Variants in CTNNA3 observed in about 807,000 individuals in gnomAD.
CTNNA3 encodes catenin alpha 3.
A neutral mutation model predicts 95.7 loss-of-function variants in CTNNA3; 76 were observed. That is an observed-to-expected ratio of 0.79 (90% CI 0.66 to 0.96). The LOEUF (loss-of-function observed/expected upper bound fraction) is 0.96, where lower values mean the gene tolerates loss of function less well. Among genes scored for constraint, CTNNA3 ranks in the 40% least tolerant of loss-of-function variants. The pLI is 0.00. For synonymous variants in CTNNA3, 431 were observed against 374.4 expected, an observed-to-expected ratio of 1.15 and a Z score of -1.74; for missense variants, 1,191 against 1,089.8, an observed-to-expected ratio of 1.09 and a Z score of -1.31.
At chr10:67,117,928 AAACGGGT>A (rs1859268358) in intron 7 of CTNNA3, among the ~76,000 whole-genome samples, 1 of 152,026 alleles carries the variant, frequency 6.6e-6, no homozygotes, top group African/African-American at 2.4e-5. Flanking sequence ...TATAGCAATC[AAACGGGT>A]AAATGACTGC....
At chr10:66,555,446 G>A (rs1842360858) in intron 10 of CTNNA3, among the ~76,000 whole-genome samples, 1 of 151,856 alleles carries the variant, frequency 6.6e-6, no homozygotes, top group Non-Finnish European at 1.5e-5. Flanking sequence ...GCAATATTTG[G>A]GACATACTTA....
chr10:67,444,136 T>C (rs1275111226), intron 5 of CTNNA3, among the ~76,000 whole-genome samples: 1 of 152,142 alleles, frequency 6.6e-6, no homozygotes, highest in Non-Finnish European at 1.5e-5. Flanking sequence ...GGACAGATCA[T>C]ATGTTAGGTC....
intron 5 of CTNNA3, among the ~76,000 whole-genome samples, chr10:67,384,263 A>T (rs1394063239): frequency 2.0e-5 from 3 of 152,176 alleles, no homozygotes; most frequent in African/African-American, 7.2e-5. Flanking sequence ...CTTTCTAGCA[A>T]CCTACCTGAA....
chr10:66,197,259 G>A (rs1486683823), intron 13 of CTNNA3, among the ~76,000 whole-genome samples: 1 of 152,006 alleles, frequency 6.6e-6, no homozygotes, highest in Non-Finnish European at 1.5e-5. Context: ...CTGTTTATGA[G>A]TTATACTCAA....
chr10:67,615,380 C>T (rs1843616494), intron 2 of CTNNA3, among the ~76,000 whole-genome samples: 1 of 152,166 alleles, frequency 6.6e-6, no homozygotes, highest in South Asian at 2.1e-4. Flanking sequence ...TATCCTAATC[C>T]AAGAAGTGCA....
At chr10:66,732,761 A>T (rs1849001415) in intron 9 of CTNNA3, among the ~76,000 whole-genome samples, 1 of 151,616 alleles carries the variant, frequency 6.6e-6, no homozygotes, top group Admixed American at 6.6e-5. Flanking sequence ...GGGTGGGGAC[A>T]CAGCCAAACA....
intron 7 of CTNNA3, among the ~76,000 whole-genome samples, chr10:66,942,390 A>G (rs750979081): frequency 6.6e-6 from 1 of 152,206 alleles, no homozygotes; most frequent in African/African-American, 2.4e-5. Context: ...TCTATTAAGT[A>G]TTCTTCTGTA....
chr10:66,429,365 C>T lies in CTNNA3; in HGVS notation c.1532-50013G>A, dbSNP rs1458084278. Among the ~76,000 whole-genome samples the T allele has an allele frequency of 2.6e-5, 4 of 152,110 alleles. No homozygotes were observed. In the East Asian group the frequency reaches 7.7e-4, roughly 29 times the overall value. ...ATCATTCCTTCTGAAACTATTCCAA[C>T]CAATAGAAAAAGAGGGAATCCTCCC... On this transcript the variant is annotated intron_variant, in intron 11 of 17. Coordinates refer to ENST00000433211, the MANE Select transcript of CTNNA3 (RefSeq NM_013266.4).
chr10:67,395,345 A>C (rs1844672727), intron 5 of CTNNA3, among the ~76,000 whole-genome samples: 1 of 152,196 alleles, frequency 6.6e-6, no homozygotes, highest in Admixed American at 6.5e-5. Flanking sequence ...GGGACACCAC[A>C]GGAAGGAGCC....
intron 12 of CTNNA3, among the ~76,000 whole-genome samples, chr10:66,364,176 A>T (rs763879029): frequency 2.0e-5 from 3 of 149,146 alleles, no homozygotes; most frequent in Non-Finnish European, 4.5e-5. Context: ...TATATATATA[A>T]TATATATATA....
intron 7 of CTNNA3, among the ~76,000 whole-genome samples, chr10:66,997,377 CTG>C: frequency 6.6e-6 from 1 of 152,110 alleles, no homozygotes; most frequent in Non-Finnish European, 1.5e-5. Context: ...ATTAATTTAC[CTG>C]TGTTAAATTG....
At chr10:66,188,928 T>C (rs1272622990) in intron 13 of CTNNA3, among the ~76,000 whole-genome samples, 1 of 152,074 alleles carries the variant, frequency 6.6e-6, no homozygotes, top group Non-Finnish European at 1.5e-5. Context: ...TCCTAACAAG[T>C]GTGAGGTAAT....
intron 17 of CTNNA3, among the ~76,000 whole-genome samples, chr10:65,934,830 C>G (rs1413016148): frequency 6.6e-6 from 1 of 152,126 alleles, no homozygotes; most frequent in Admixed American, 6.6e-5. Flanking sequence ...AGTTTTCATC[C>G]TAGGTAATCA....
At chr10:67,590,843 T>G (rs1842769248) in intron 3 of CTNNA3, among the ~76,000 whole-genome samples, 1 of 152,240 alleles carries the variant, frequency 6.6e-6, no homozygotes, top group African/African-American at 2.4e-5. Flanking sequence ...AAAAATTTTT[T>G]GACAGAACAA....
chr10:65,987,999 T>C (rs2078462916), intron 16 of CTNNA3, among the ~76,000 whole-genome samples: 1 of 151,990 alleles, frequency 6.6e-6, no homozygotes, highest in African/African-American at 2.4e-5. Flanking sequence ...ACAGAATTAA[T>C]GAATAGAATA....
At chr10:67,016,606 T>G (rs1179798328) in intron 7 of CTNNA3, among the ~76,000 whole-genome samples, 2 of 152,184 alleles carry the variant, frequency 1.3e-5, no homozygotes, top group Admixed American at 1.3e-4. Flanking sequence ...TTCTTATGTA[T>G]CACGCAGAAA....
chr10:66,732,545 G>A (rs544913693), intron 9 of CTNNA3, among the ~76,000 whole-genome samples: 1 of 152,238 alleles, frequency 6.6e-6, no homozygotes, highest in Non-Finnish European at 1.5e-5. Flanking sequence ...GAAGCAAACA[G>A]GTCCTTCTTC....
chr10:67,592,262 A>G lies in CTNNA3; in HGVS notation c.292+14595T>C, dbSNP rs115183246. On this transcript the variant is annotated intron_variant, in intron 3 of 17. Coordinates refer to ENST00000433211, the MANE Select transcript of CTNNA3 (RefSeq NM_013266.4). ...ACTCAATAAAATTTTACTTTGTCTTACTCAATCTCCAATGTCCATGTACCT... is the reference window on the plus strand; with the variant it reads ...ACTCAATAAAATTTTACTTTGTCTTGCTCAATCTCCAATGTCCATGTACCT... 7.8e-3 allele frequency among the ~76,000 whole-genome samples: 1,190 copies of G among 152,166 alleles called. 15 individuals are homozygous for G. The highest frequency in any genetic ancestry group is 0.026 in the African/African-American group (1,098 of 41,518).
chr10:66,279,294 T>C (rs7073268), intron 13 of CTNNA3, among the ~76,000 whole-genome samples: 63,876 of 151,840 alleles, frequency 0.42, 14,199 homozygotes, highest in African/African-American at 0.57. Context: ...TCCACTCATA[T>C]ATTCTCAGCA....
Sources: gnomAD v4.1 joint callset for allele counts (sites outside exome capture counted in the v4.1 genomes callset) on GRCh38, gnomAD v4.1.1 for gene constraint, MANE v1.5 for transcripts, NCBI Gene and HGNC (gene_info 2026-07-23, HGNC 2026-07-21) for gene names.